Variants in PRPF31 observed in about 807,000 individuals in gnomAD.
The protein encoded by PRPF31 is U4/U6 small nuclear ribonucleoprotein Prp31.
PRPF31 carries 12 observed loss-of-function variants against 60.4 expected under a neutral mutation model. The ratio of observed to expected loss-of-function variants is 0.20; its 90% CI spans 0.13 to 0.32. The LOEUF is 0.32. PRPF31 is among the 10% of genes least tolerant of loss of function. The pLI, the probability that PRPF31 is intolerant of heterozygous loss-of-function variation, is 1.00. For synonymous variants in PRPF31, 287 were observed against 287.9 expected, an observed-to-expected ratio of 1.00 and a Z score of 0.03; for missense variants, 431 against 687.1, an observed-to-expected ratio of 0.63 and a Z score of 4.17.
chr19:54,124,517 C>A lies in PRPF31; in HGVS notation c.716C>A (p.Thr239Asn). 6.2e-7 allele frequency: 1 copy of A among 1,608,904 alleles called. No homozygotes were observed. The stretch of plus-strand genomic sequence containing the variant: ...ACCGCAGGTGTGGCCGGCGGCCTGA[C>A]CAACCTCTCCAAGATGCCCGCCTGC... ...AKIMGVAGGLTNLSKMPACNI... is the reference protein window; with the variant it reads ...AKIMGVAGGLNNLSKMPACNI... Residue 239 changes from threonine to asparagine, a missense_variant, in exon 8 of 14, where the codon ACC becomes AAC. By Grantham distance (65) the Thr-to-Asn change is moderately conservative. Around this residue, in one of 4 missense-constraint regions of PRPF31, gnomAD observed 314 missense variants for 475.3 expected, o/e 0.66. Coordinates refer to ENST00000321030, the MANE Select transcript of PRPF31 (RefSeq NM_015629.4).
chr19:54,130,421 C>G (rs1174880985), intron 13 of PRPF31, among the ~76,000 whole-genome samples: 1 of 152,076 alleles, frequency 6.6e-6, no homozygotes, highest in South Asian at 2.1e-4. Flanking sequence ...GTCAGGAGAT[C>G]GAGACCATCC....
chr19:54,118,390 G>C lies in PRPF31; in HGVS notation c.112G>C (p.Glu38Gln), dbSNP rs1468048884. Residue 38 changes from glutamate to glutamine, a missense_variant, in exon 2 of 14, where the codon GAG (glutamate) becomes CAG (glutamine). Transcript: ENST00000321030. ...EEPAIEDVQEETQLDLSGDSV... is the reference protein window; with the variant it reads ...EEPAIEDVQEQTQLDLSGDSV... ...GCCAGCGATCGAGGATGTGCAGGAG[G>C]AGACACAGCTGGATCTTTCCGGGGA... 1.2e-6 allele frequency: 2 copies of C among 1,614,168 alleles called. 1 individual carries two copies. The highest frequency in any genetic ancestry group is 2.2e-5 in the South Asian group (2 of 91,078).
In PRPF31 at chr19:54,123,737, C is replaced by T. The variant is rs587672401; in HGVS notation, c.528-12C>T. ...GGGAGACCCAGGAGGCTGGGCCCACCCGCCCCTGCAGGCAGCAGCTGTCGG... is the reference window on the plus strand; with the variant it reads ...GGGAGACCCAGGAGGCTGGGCCCACTCGCCCCTGCAGGCAGCAGCTGTCGG... On this transcript the variant is annotated splice_polypyrimidine_tract_variant and intron_variant, in intron 6 of 13. Transcript: ENST00000321030. 2 of 1,605,066 alleles carry T rather than the reference C, an allele frequency of 1.2e-6. No homozygotes were observed. The highest frequency in any genetic ancestry group is 1.7e-6 in the Non-Finnish European group (2 of 1,177,342).
At chr19:54,128,597 C>T (rs2073981261) in intron 11 of PRPF31, among the ~76,000 whole-genome samples, 2 of 151,916 alleles carry the variant, frequency 1.3e-5, no homozygotes, top group South Asian at 2.1e-4. Context: ...TTAGAGCCCC[C>T]GCGGCTTCCC....
chr19:54,124,296 G>C, intron 7 of PRPF31: 1 of 650,776 alleles, frequency 1.5e-6, no homozygotes, highest in Non-Finnish European at 2.7e-6. Flanking sequence ...CCCCAGGCCA[G>C]CTGCCCTCCC....
chr19:54,121,861 G>A lies in PRPF31; in HGVS notation c.240G>A (p.Val80=). 6.2e-7 allele frequency: 1 copy of A among 1,610,636 alleles called. No individual in the cohort carries two copies. The highest frequency in any genetic ancestry group is 8.5e-7 in the Non-Finnish European group (1 of 1,178,548). The change falls in exon 4 of 14, where the codon GTG becomes GTA. Residue 80 remains valine (V), a splice_region_variant and synonymous_variant. Coordinates refer to ENST00000321030, the MANE Select transcript of PRPF31 (RefSeq NM_015629.4). ...YISKQAKASE[V]MGPVEAAPEY... ...ACCCATGCCTCCGTGTCCTCACAGT[G>A]ATGGGACCAGTGGAGGCCGCGCCTG...
intron 8 of PRPF31, among the ~76,000 whole-genome samples, chr19:54,125,664 A>G (rs1195231854): frequency 3.9e-5 from 6 of 152,064 alleles, no homozygotes; most frequent in Non-Finnish European, 8.8e-5. Context: ...CTGGGCAGGC[A>G]CTTCCTGGCC....
chr19:54,118,863 C>G (rs937366969), intron 3 of PRPF31: 32 of 579,472 alleles, frequency 5.5e-5, no homozygotes, highest in South Asian at 1.2e-4. Context: ...CATGATAGGA[C>G]TCAGCTTGAG....
intron 8 of PRPF31, among the ~76,000 whole-genome samples, chr19:54,125,915 G>C (rs2073910468): frequency 6.6e-6 from 1 of 152,214 alleles, no homozygotes; most frequent in Non-Finnish European, 1.5e-5. Flanking sequence ...CTGCCCCAGG[G>C]AGCCTGATGT....
At chr19:54,120,060 GC>G in intron 3 of PRPF31, 1 of 152,316 alleles carries the variant, frequency 6.6e-6, no homozygotes, top group Non-Finnish European at 1.5e-5. Context: ...GGCTGACCCT[GC>G]CCCAGGTGTC....
chr19:54,124,878 C>CAA, intron 8 of PRPF31: 3 of 614,374 alleles, frequency 4.9e-6, no homozygotes, highest in Admixed American at 5.4e-5. Flanking sequence ...CCCTGTGCCT[C>CAA]AGTCTCCTCC....
chr19:54,128,297 G>A lies in PRPF31; in HGVS notation c.1074-8G>A, dbSNP rs762890959. The A allele has an allele frequency of 1.2e-4, 37 of 314,176 alleles. No individual in the cohort carries two copies. The highest frequency in any genetic ancestry group is 1.9e-4 in the Non-Finnish European group (32 of 170,550). The allele number at this position is 314,176 out of a possible 1,614,324, so 19.5% of individuals were successfully genotyped here. A position where few individuals can be genotyped will look rare whatever the true frequency, so the allele number is the denominator to read the frequency against. ...ACTCCCTGGCGCCGCCCACCCACCC[G>A]TCCCCAGGTACCGCAAGATGAAGGA... On this transcript the variant is annotated splice_region_variant and splice_polypyrimidine_tract_variant and intron_variant, in intron 10 of 13. Transcript: ENST00000321030.
intron 3 of PRPF31, among the ~76,000 whole-genome samples, chr19:54,119,249 G>A (rs1394843399): frequency 6.6e-6 from 1 of 151,880 alleles, no homozygotes; most frequent in Admixed American, 6.6e-5. Context: ...AGGCGTGGTG[G>A]CGGGTGCCTG....
intron 13 of PRPF31, among the ~76,000 whole-genome samples, chr19:54,130,504 A>G (rs936565922): frequency 4.6e-5 from 7 of 152,182 alleles, no homozygotes; most frequent in Admixed American, 1.3e-4. Flanking sequence ...GGGCGCCTGT[A>G]GTCCCAGCTA....
At position 54,129,257 on chromosome 19, in the gene PRPF31, C is replaced by A; in HGVS notation, c.1276-15C>A. On this transcript the variant is annotated splice_polypyrimidine_tract_variant and intron_variant, in intron 12 of 13. Transcript: ENST00000321030. ...GGGGGGAGCCCAGATCGCAGCCTCC[C>A]TGTCCTCCCCACAGCGGACCCTGCA... is the stretch of plus-strand genomic sequence containing the variant. 1 of 1,609,574 alleles carries A rather than the reference C, an allele frequency of 6.2e-7. No homozygotes were observed.
chr19:54,131,505 C>T lies in PRPF31; in HGVS notation c.*73C>T, dbSNP rs1413749003. On this transcript the variant is annotated 3_prime_UTR_variant, in exon 14 of 14. Coordinates refer to ENST00000321030, the MANE Select transcript of PRPF31 (RefSeq NM_015629.4). ...TCCAGTCCTTCTGAAGGGCTAGGATCGGGTTCTGGCAGGGAGAACCTGCCC... is the reference window on the plus strand; with the variant it reads ...TCCAGTCCTTCTGAAGGGCTAGGATTGGGTTCTGGCAGGGAGAACCTGCCC... 1.8e-5 allele frequency: 28 copies of T among 1,571,554 alleles called. No individual in the cohort carries two copies. Among genetic ancestry groups the T allele is most frequent in the Middle Eastern group, 3.4e-4 (2 of 5,970 alleles).
At chr19:54,130,702 G>A (rs1458708909) in intron 13 of PRPF31, among the ~76,000 whole-genome samples, 1 of 151,964 alleles carries the variant, frequency 6.6e-6, no homozygotes, top group South Asian at 2.1e-4. Flanking sequence ...GGAGGCTCTC[G>A]TTTCGGAGCA....
intron 3 of PRPF31, among the ~76,000 whole-genome samples, chr19:54,121,573 A>C (rs2073790368): frequency 6.6e-6 from 1 of 152,164 alleles, no homozygotes; most frequent in South Asian, 2.1e-4. Context: ...CCTGAATGTC[A>C]GTCTGAGGAC....
chr19:54,122,895 G>A (rs587662997), intron 5 of PRPF31: 82 of 545,980 alleles, frequency 1.5e-4, no homozygotes, highest in South Asian at 3.4e-4. Flanking sequence ...GCAGGCACAC[G>A]GAGATTTGGG....
Sources: allele counts gnomAD v4.1 joint callset (sites outside exome capture counted in the v4.1 genomes callset), GRCh38; gene constraint gnomAD v4.1.1; regional missense constraint gnomAD v4.1.1; transcripts MANE v1.5; gene names NCBI Gene and HGNC (gene_info 2026-07-23, HGNC 2026-07-21).